The following BCR variants were observed in gnomAD, a reference collection of about 807,000 sequenced individuals.
BCR encodes breakpoint cluster region protein.
BCR carries 58 observed loss-of-function variants against 138.6 expected under a neutral mutation model. The observed-to-expected ratio is 0.42, with a 90% confidence interval of 0.34 to 0.52. The LOEUF is 0.52. Ranked by LOEUF, BCR falls within the 20% of genes least tolerant of loss-of-function variation. BCR has a pLI of 0.06. For synonymous variants in BCR, 786 were observed against 730.1 expected, an observed-to-expected ratio of 1.08 and a Z score of -1.23; for missense variants, 1,599 against 1,727.2, an observed-to-expected ratio of 0.93 and a Z score of 1.32.
At chr22:23,281,658 A>C (rs1181172180) in intron 8 of BCR, among the ~76,000 whole-genome samples, 2 of 150,554 alleles carry the variant, frequency 1.3e-5, no homozygotes, top group Non-Finnish European at 3.0e-5. Context: ...GGCTTCTCTC[A>C]GATGAGAGTT....
At position 23,185,976 on chromosome 22, in the gene BCR, G is replaced by A. The variant is rs1191933273; in HGVS notation, c.1279+3737G>A. Among the ~76,000 whole-genome samples, 3 of 150,036 alleles carry A rather than the reference G, an allele frequency of 2.0e-5. No individual in the cohort carries two copies. In the East Asian group the frequency reaches 6.1e-4, roughly 30 times the overall value. ...GATCTTCTGACCTCGGGTTCCGCCC[G>A]CCTCAGCCTCCGAAAGTGCTGGGAT... On this transcript the variant is annotated intron_variant, in intron 1 of 22. Coordinates refer to ENST00000305877, the MANE Select transcript of BCR (RefSeq NM_004327.4).
In BCR at chr22:23,287,140, C is replaced by A; in HGVS notation, c.2407-19C>A. On this transcript the variant is annotated intron_variant, in intron 10 of 22. Coordinates refer to ENST00000305877, the MANE Select transcript of BCR (RefSeq NM_004327.4). ...GGAGCGCTGGAATGGGAAGGTGAGG[C>A]TGTGGCATCTCCCCACAGAGGGCGA... 6.4e-7 allele frequency: 1 copy of A among 1,572,976 alleles called. No homozygotes were observed. The highest frequency in any genetic ancestry group is 8.6e-7 in the Non-Finnish European group (1 of 1,158,366).
rs1219723463 is a variant in BCR at position 23,199,480 on chromosome 22, T to C, written c.1279+17241T>C. ...GCTGGGAGAGGTGCTTTGTTTTCAC[T>C]CCTCAGGAAGCTTGAGGCTTCTTGT... is the stretch of plus-strand genomic sequence containing the variant. On this transcript the variant is annotated intron_variant, in intron 1 of 22. Coordinates refer to ENST00000305877, the MANE Select transcript of BCR (RefSeq NM_004327.4). The C allele has an allele frequency of 7.9e-5, 30 of 381,072 alleles. 1 individual carries two copies. The Admixed American group carries it at 8.4e-4, about 11-fold the overall frequency. 23.6% of individuals were successfully genotyped at this position (381,072 alleles called of 1,614,324 possible). A position where few individuals can be genotyped will look rare whatever the true frequency, so the allele number is the denominator to read the frequency against.
At chr22:23,194,486 C>A in intron 1 of BCR, among the ~76,000 whole-genome samples, 1 of 151,786 alleles carries the variant, frequency 6.6e-6, no homozygotes, top group East Asian at 1.9e-4. Context: ...TCTCGGCTCA[C>A]TGCAAACTCC....
rs1166891344 is a variant in BCR, at chr22:23,181,072, T to G, written c.112T>G (p.Cys38Gly). 1 of 1,520,776 alleles carries G rather than the reference T, an allele frequency of 6.6e-7. No homozygotes were observed. The highest frequency in any genetic ancestry group is 2.6e-5 in the East Asian group (1 of 39,002). 94.2% of individuals were successfully genotyped at this position (1,520,776 alleles called of 1,614,324 possible). Residue 38 changes from cysteine (C) to glycine (G), a missense_variant, in exon 1 of 23, where the codon TGC becomes GGC. Physicochemically the swap from Cys to Gly is radical, Grantham distance 159 (BLOSUM62 -3). Around this residue, in one of 4 missense-constraint regions of BCR, gnomAD observed 806 missense variants for 635.0 expected, o/e 1.27. Coordinates refer to ENST00000305877, the MANE Select transcript of BCR (RefSeq NM_004327.4). The part of the protein sequence containing the change: ...VGDIEQELER[C>G]KASIRRLEQE... ...CGACATCGAGCAGGAGCTGGAGCGCTGCAAGGCCTCCATTCGGCGCCTGGA... is the reference window on the plus strand; with the variant it reads ...CGACATCGAGCAGGAGCTGGAGCGCGGCAAGGCCTCCATTCGGCGCCTGGA...
Position 23,182,981 on chromosome 22 carries a change from C to T in BCR, c.1279+742C>T, listed in dbSNP as rs377302640. ...ACCCATGATTATTCACCACCAGGCTCCTCCATGGTGGTAACCCAGCCCCAT... is the reference window on the plus strand; with the variant it reads ...ACCCATGATTATTCACCACCAGGCTTCTCCATGGTGGTAACCCAGCCCCAT... On this transcript the variant is annotated intron_variant, in intron 1 of 22. Coordinates refer to ENST00000305877, the MANE Select transcript of BCR (RefSeq NM_004327.4). Among the ~76,000 whole-genome samples the T allele has an allele frequency of 1.2e-4, 19 of 152,340 alleles. No individual in the cohort carries two copies. The East Asian group carries it at 2.1e-3, about 17-fold the overall frequency.
At chr22:23,207,116 C>A (rs1451515990) in intron 1 of BCR, among the ~76,000 whole-genome samples, 2 of 152,162 alleles carry the variant, frequency 1.3e-5, no homozygotes, top group African/African-American at 4.8e-5. Context: ...TCCAACCATT[C>A]ATCTGTTCAT....
intron 1 of BCR, among the ~76,000 whole-genome samples, chr22:23,204,716 A>G (rs2072592488): frequency 6.6e-6 from 1 of 152,216 alleles, no homozygotes; most frequent in Non-Finnish European, 1.5e-5. Context: ...CAGGACTGGA[A>G]CAGATTTCAG....
intron 16 of BCR, chr22:23,302,896 A>T (rs545182466): frequency 6.6e-6 from 1 of 152,300 alleles, no homozygotes; most frequent in South Asian, 2.1e-4. Flanking sequence ...TGACACAGGG[A>T]CCAGGGGCTG....
intron 1 of BCR, among the ~76,000 whole-genome samples, chr22:23,185,706 AGT>A (rs1205348869): frequency 1.4e-5 from 2 of 146,258 alleles, no homozygotes; most frequent in African/African-American, 5.1e-5. Context: ...ACAGAAGGAG[AGT>A]GTGGTTCTCT....
intron 8 of BCR, among the ~76,000 whole-genome samples, chr22:23,278,229 G>C (rs1344078053): frequency 6.6e-6 from 1 of 152,210 alleles, no homozygotes; most frequent in Non-Finnish European, 1.5e-5. Context: ...TGTTTCCCAA[G>C]AGCCAGCCAG....
intron 1 of BCR, among the ~76,000 whole-genome samples, chr22:23,203,601 G>A (rs1409979628): frequency 6.6e-6 from 1 of 152,072 alleles, no homozygotes; most frequent in Non-Finnish European, 1.5e-5. Context: ...CCTGAGCTGG[G>A]GTCACACTGG....
At chr22:23,247,419 C>G (rs2073169129) in intron 1 of BCR, among the ~76,000 whole-genome samples, 1 of 152,222 alleles carries the variant, frequency 6.6e-6, no homozygotes, top group Non-Finnish European at 1.5e-5. Context: ...CAAATTCCTC[C>G]CAGTGCCCCT....
In BCR at chr22:23,316,814, A is replaced by G. The variant is rs140462; in HGVS notation, c.*1292A>G. ...GGGGGAGCCCAGGCATTCTTTGTAA[A>G]CCCTCCTGACCACCTGGCTCAAAGA... is the stretch of plus-strand genomic sequence containing the variant. On this transcript the variant is annotated 3_prime_UTR_variant, in exon 23 of 23. Transcript: ENST00000305877. 0.28 allele frequency: 22,602 copies of G among 81,652 alleles called. 4,171 individuals carry two copies. Among genetic ancestry groups the G allele is most frequent in the East Asian group, 0.61 (3,577 of 5,832 alleles). 5.1% of individuals were successfully genotyped at this position (81,652 alleles called of 1,614,324 possible). A position where few individuals can be genotyped will look rare whatever the true frequency, so the allele number is the denominator to read the frequency against.
At chr22:23,188,279 CA>C (rs1401915824) in intron 1 of BCR, among the ~76,000 whole-genome samples, 16 of 152,212 alleles carry the variant, frequency 1.1e-4, no homozygotes, top group African/African-American at 3.9e-4. Context: ...GTTTTGGGAA[CA>C]GAATGGAGCA....
intron 1 of BCR, among the ~76,000 whole-genome samples, chr22:23,230,450 G>T (rs1428945900): frequency 6.6e-6 from 1 of 152,190 alleles, no homozygotes. Context: ...CTTTCCTGCG[G>T]CCCCTCCCAA....
intron 4 of BCR, among the ~76,000 whole-genome samples, chr22:23,267,234 G>GA (rs1242399334): frequency 2.5e-4 from 38 of 152,180 alleles, no homozygotes; most frequent in African/African-American, 8.7e-4. Flanking sequence ...GAGGGAGGAG[G>GA]GAAAGAAGGA....
At chr22:23,255,797 G>T (rs989984897) in intron 2 of BCR, among the ~76,000 whole-genome samples, 1 of 152,200 alleles carries the variant, frequency 6.6e-6, no homozygotes, top group African/African-American at 2.4e-5. Context: ...CCCTGCTTCT[G>T]CCCTCACAGG....
chr22:23,295,144 G>A lies in BCR; in HGVS notation c.3001G>A (p.Gly1001Ser), dbSNP rs1311520800. ...GESTDRLMGK[G>S]QVQLDPQALQ... ...GAGCACGGACAGACTCATGGGGAAG[G>A]GCCAGGTCCAGGTGAGGCAGCCATC... The change falls in exon 16 of 23, where the codon GGC (glycine) becomes AGC (serine). Residue 1001 changes from glycine (G) to serine (S), a missense_variant. Physicochemically the swap from Gly to Ser is moderately conservative, Grantham distance 56. Coordinates refer to ENST00000305877, the MANE Select transcript of BCR (RefSeq NM_004327.4). 6.2e-7 allele frequency: 1 copy of A among 1,613,924 alleles called. No homozygotes were observed. The highest frequency in any genetic ancestry group is 8.5e-7 in the Non-Finnish European group (1 of 1,179,984).
Sources: allele counts gnomAD v4.1 joint callset (sites outside exome capture counted in the v4.1 genomes callset), GRCh38; gene constraint gnomAD v4.1.1; regional missense constraint gnomAD v4.1.1; transcripts MANE v1.5; gene names NCBI Gene and HGNC (gene_info 2026-07-23, HGNC 2026-07-21).